Variants in CADM2 observed in about 807,000 individuals in gnomAD.
CADM2 encodes the protein cell adhesion molecule 2.
CADM2 carries 12 observed loss-of-function variants against 49.8 expected under a neutral mutation model. That is an observed-to-expected ratio of 0.24 (90% CI 0.15 to 0.39). The LOEUF is 0.39. Among genes scored for constraint, CADM2 ranks in the 10% least tolerant of loss-of-function variants. The probability of loss-of-function intolerance (pLI) is 1.00; values close to 1 mark genes in which losing one functional copy is unlikely to be tolerated. For missense variants in CADM2, 378 were observed against 492.3 expected (o/e 0.77, Z 2.20); for synonymous variants, 214 against 175.4 (o/e 1.22, Z -1.74).
At chr3:85,778,091 T>C (rs141086515) in intron 2 of CADM2, among the ~76,000 whole-genome samples, 33 of 152,238 alleles carry the variant, frequency 2.2e-4, no homozygotes, top group African/African-American at 7.7e-4. Context: ...CTGCCCTAAA[T>C]AATGGTAGCA....
chr3:85,303,513 T>C (rs1486338855), intron 1 of CADM2, among the ~76,000 whole-genome samples: 1 of 151,938 alleles, frequency 6.6e-6, no homozygotes, highest in Non-Finnish European at 1.5e-5. Flanking sequence ...CAAAGGACAT[T>C]TTCAGAAGCT....
intron 1 of CADM2, among the ~76,000 whole-genome samples, chr3:85,434,549 C>T (rs891359668): frequency 1.9e-4 from 29 of 152,164 alleles, no homozygotes; most frequent in African/African-American, 6.3e-4. Flanking sequence ...ATTACCTACA[C>T]TTTGAATTCT....
At chr3:85,924,427 C>T (rs562777266) in intron 6 of CADM2, among the ~76,000 whole-genome samples, 4 of 151,712 alleles carry the variant, frequency 2.6e-5, no homozygotes, top group Non-Finnish European at 4.4e-5. Context: ...CACGTCTCTA[C>T]AAAAAATACA....
chr3:85,956,806 C>T (rs1724119077), intron 7 of CADM2, among the ~76,000 whole-genome samples: 1 of 151,216 alleles, frequency 6.6e-6, no homozygotes, highest in Non-Finnish European at 1.5e-5. Context: ...TAAGATGAGA[C>T]AAAAAAGCTT....
chr3:85,150,168 C>T (rs2039878789), intron 1 of CADM2, among the ~76,000 whole-genome samples: 2 of 152,126 alleles, frequency 1.3e-5, no homozygotes, highest in African/African-American at 2.4e-5. Flanking sequence ...TAAATTTTAG[C>T]TTTCAGAAGC....
intron 1 of CADM2, among the ~76,000 whole-genome samples, chr3:85,311,515 A>G (rs1473992383): frequency 6.6e-6 from 1 of 151,720 alleles, no homozygotes; most frequent in Non-Finnish European, 1.5e-5. Context: ...AACTGGGACT[A>G]CAGCACCCGC....
At chr3:85,211,760 G>T (rs751757494) in intron 1 of CADM2, among the ~76,000 whole-genome samples, 3 of 152,098 alleles carry the variant, frequency 2.0e-5, no homozygotes, top group Admixed American at 6.5e-5. Context: ...TGCAGGTATT[G>T]TATGAAATAT....
At chr3:85,570,942 C>T (rs918759750) in intron 1 of CADM2, among the ~76,000 whole-genome samples, 6 of 152,044 alleles carry the variant, frequency 3.9e-5, no homozygotes, top group Admixed American at 3.9e-4. Flanking sequence ...TGAGGAACTA[C>T]CTGATTTTTT....
At position 85,880,943 on chromosome 3, in the gene CADM2, T is replaced by C. The variant is rs1238543199; in HGVS notation, c.239-2348T>C. On this transcript the variant is annotated intron_variant, in intron 3 of 9. Transcript: ENST00000383699. ...TTCCTGACTTTTGCCAAATTTGGAA[T>C]GTTTTCAACCATTATTTCTTTGAAT... is the stretch of plus-strand genomic sequence containing the variant. 2.0e-5 allele frequency among the ~76,000 whole-genome samples: 3 copies of C among 152,314 alleles called. No homozygotes were observed. The East Asian group carries it at 5.8e-4, about 29-fold the overall frequency.
chr3:85,985,096 TGCTA>T (rs1440267223), intron 8 of CADM2, among the ~76,000 whole-genome samples: 2 of 151,888 alleles, frequency 1.3e-5, no homozygotes, highest in East Asian at 3.9e-4. Flanking sequence ...CTGTTTGGGG[TGCTA>T]TAATGAAATT....
intron 1 of CADM2, among the ~76,000 whole-genome samples, chr3:84,996,914 A>G (rs1376519954): frequency 2.0e-5 from 3 of 152,136 alleles, no homozygotes; most frequent in Admixed American, 6.6e-5. Context: ...ATTAATTTCA[A>G]GAAAATGTGT....
At chr3:85,414,710 C>T (rs2035837344) in intron 1 of CADM2, among the ~76,000 whole-genome samples, 1 of 152,102 alleles carries the variant, frequency 6.6e-6, no homozygotes, top group Admixed American at 6.5e-5. Flanking sequence ...TACCAGCTCC[C>T]CCAAGGATTT....
chr3:85,801,866 C>T (rs369794438), intron 2 of CADM2, among the ~76,000 whole-genome samples, 181 bp from the exon 3 acceptor site: 1 of 152,142 alleles, frequency 6.6e-6, no homozygotes, highest in African/African-American at 2.4e-5. Flanking sequence ...AATTATATGT[C>T]AATGCTGTTG....
At chr3:85,228,509 G>A (rs914511983) in intron 1 of CADM2, among the ~76,000 whole-genome samples, 24 of 151,892 alleles carry the variant, frequency 1.6e-4, no homozygotes, top group African/African-American at 5.3e-4. Context: ...TGGTGTGGAC[G>A]TCCTTTTTGT....
chr3:85,346,022 G>C (rs906766433), intron 1 of CADM2, among the ~76,000 whole-genome samples: 7 of 152,116 alleles, frequency 4.6e-5, no homozygotes, highest in Non-Finnish European at 1.0e-4. Context: ...GAGCATATAA[G>C]AGTTTTTTCT....
intron 1 of CADM2, among the ~76,000 whole-genome samples, chr3:85,409,148 TA>T (rs2035541324): frequency 6.6e-6 from 1 of 152,154 alleles, no homozygotes; most frequent in Non-Finnish European, 1.5e-5. Flanking sequence ...CCTTAAACAT[TA>T]TTCCAGATTT....
At chr3:86,017,423 G>A (rs765240682) in intron 8 of CADM2, among the ~76,000 whole-genome samples, 7 of 151,968 alleles carry the variant, frequency 4.6e-5, no homozygotes, top group Non-Finnish European at 1.0e-4. Flanking sequence ...AATTTAGCAA[G>A]TACTGTTAGG....
At chr3:85,204,590 A>G (rs2041586398) in intron 1 of CADM2, among the ~76,000 whole-genome samples, 1 of 152,168 alleles carries the variant, frequency 6.6e-6, no homozygotes, top group Admixed American at 6.6e-5. Context: ...TATTTTTAAA[A>G]TCCTTGCCCC....
intron 1 of CADM2, among the ~76,000 whole-genome samples, chr3:85,208,658 A>T (rs1477628671): frequency 6.6e-6 from 1 of 152,194 alleles, no homozygotes; most frequent in Non-Finnish European, 1.5e-5. Context: ...AAGAGGATAC[A>T]TTTAAGTGGA....
Sources: allele counts gnomAD v4.1 joint callset (sites outside exome capture counted in the v4.1 genomes callset), GRCh38; gene constraint gnomAD v4.1.1; transcripts MANE v1.5; gene names NCBI Gene and HGNC (gene_info 2026-07-23, HGNC 2026-07-21).